Variants in CCDC80 observed in about 807,000 individuals in gnomAD.
CCDC80 encodes coiled-coil domain-containing protein 80.
Under a neutral mutation model 78.7 loss-of-function variants are expected in CCDC80, and 49 were observed. That is an observed-to-expected ratio of 0.62 (90% CI 0.50 to 0.79). The LOEUF is 0.79. CCDC80 is among the 30% of genes least tolerant of loss of function. The probability of loss-of-function intolerance (pLI) is 0.00; values close to 1 mark genes in which losing one functional copy is unlikely to be tolerated. For synonymous variants in CCDC80, 488 were observed against 447.0 expected, an observed-to-expected ratio of 1.09 and a Z score of -1.16; for missense variants, 1,205 against 1,198.6, an observed-to-expected ratio of 1.01 and a Z score of -0.08.
At chr3:112,622,526 G>T (rs1237692424) in intron 3 of CCDC80, among the ~76,000 whole-genome samples, 1 of 152,146 alleles carries the variant, frequency 6.6e-6, no homozygotes, top group African/African-American at 2.4e-5. Flanking sequence ...CAGTGTTGAG[G>T]TTCTCTTTAG....
At chr3:112,621,453 T>A (rs1383899368) in intron 3 of CCDC80, among the ~76,000 whole-genome samples, 10 of 152,126 alleles carry the variant, frequency 6.6e-5, no homozygotes, top group Admixed American at 6.5e-4. Context: ...TGTAGCTGAC[T>A]GCAGATGCAT....
intron 6 of CCDC80, among the ~76,000 whole-genome samples, chr3:112,608,535 G>A (rs1935558748): frequency 6.6e-6 from 1 of 152,148 alleles, no homozygotes; most frequent in Admixed American, 6.5e-5. Context: ...ATGTGACATA[G>A]GATCTGTGTG....
In CCDC80 at chr3:112,605,208, GA is replaced by G; in HGVS notation, c.*208del. On this transcript the variant is annotated 3_prime_UTR_variant, in exon 8 of 8. Transcript: ENST00000206423. ...TTTAGCACTAGAGCCCCTCCAGTTAGAAAAACAATTCTTTTAAATGTCTTTA... is the reference window on the plus strand; with the variant it reads ...TTTAGCACTAGAGCCCCTCCAGTTAGAAAACAATTCTTTTAAATGTCTTTA... 1 of 455,898 alleles carries G rather than the reference GA, an allele frequency of 2.2e-6. No homozygotes were observed. Among genetic ancestry groups the G allele is most frequent in the Admixed American group, 3.9e-5 (1 of 25,426 alleles). 28.2% of individuals were successfully genotyped at this position (455,898 alleles called of 1,614,324 possible). A position where few individuals can be genotyped will look rare whatever the true frequency, so the allele number is the denominator to read the frequency against.
intron 3 of CCDC80, among the ~76,000 whole-genome samples, chr3:112,621,481 C>A (rs1276635664): frequency 3.3e-5 from 5 of 152,212 alleles, no homozygotes; most frequent in African/African-American, 1.2e-4. Flanking sequence ...CCTAACCAAG[C>A]CCAGCCCAGA....
rs1322790149 is a variant in CCDC80 at position 112,598,628 on chromosome 3, AT to A, written c.*6788del. ...TTCTTTCTGGAAGGAAAGCACTGAC[AT>A]TTAAGCTCTGTGCGGTCTGCTCAGG... On this transcript the variant is annotated 3_prime_UTR_variant, in exon 8 of 8. Transcript: ENST00000206423. 1 of 152,228 alleles carries A rather than the reference AT, an allele frequency of 6.6e-6. No individual in the cohort carries two copies. The highest frequency in any genetic ancestry group is 1.5e-5 in the Non-Finnish European group (1 of 68,060). 9.4% of individuals were successfully genotyped at this position (152,228 alleles called of 1,614,324 possible). A position where few individuals can be genotyped will look rare whatever the true frequency, so the allele number is the denominator to read the frequency against.
chr3:112,615,750 G>A (rs1466872743), intron 5 of CCDC80, among the ~76,000 whole-genome samples: 5 of 152,060 alleles, frequency 3.3e-5, no homozygotes, highest in Admixed American at 1.3e-4. Flanking sequence ...TCAAAATGGC[G>A]ATGAGAGTGA....
rs1935453583 is a variant in CCDC80 at position 112,605,109 on chromosome 3, T to TTA, written c.*306_*307dup. The TTA allele has an allele frequency of 9.2e-6, 2 of 218,484 alleles. 1 individual carries two copies. The highest frequency in any genetic ancestry group is 3.4e-4 in the South Asian group (2 of 5,824). The allele number at this position is 218,484 out of a possible 1,614,324, so 13.5% of individuals were successfully genotyped here. ...TAAGAAAAAGCTTTAAATACATATT[T>TTA]TATAAAATTTTATATGCCAAATAAG... On this transcript the variant is annotated 3_prime_UTR_variant, in exon 8 of 8. Coordinates refer to ENST00000206423, the MANE Select transcript of CCDC80 (RefSeq NM_199511.3).
rs1008021627 is a variant in CCDC80 at position 112,599,647 on chromosome 3, C to T, written c.*5770G>A. ...ATTAAGAAGGGCCCACTGAGGCCAT[C>T]ATTCACCCTACTCTCGGGCTGCTTC... On this transcript the variant is annotated 3_prime_UTR_variant, in exon 8 of 8. Transcript: ENST00000206423. The T allele has an allele frequency of 2.6e-5, 4 of 152,290 alleles. No individual in the cohort carries two copies. The highest frequency in any genetic ancestry group is 4.4e-5 in the Non-Finnish European group (3 of 68,080). The allele number at this position is 152,290 out of a possible 1,614,324, so 9.4% of individuals were successfully genotyped here. A position where few individuals can be genotyped will look rare whatever the true frequency, so the allele number is the denominator to read the frequency against.
Position 112,601,769 on chromosome 3 carries a change from T to C in CCDC80, c.*3648A>G, listed in dbSNP as rs1284397372. On this transcript the variant is annotated 3_prime_UTR_variant, in exon 8 of 8. Coordinates refer to ENST00000206423, the MANE Select transcript of CCDC80 (RefSeq NM_199511.3). Reference sequence around the variant, plus strand: ...AGTTTACTTTGATATGCCATATGATTGAAACAAATGCTCTTTTTTCAAAGA... The same window carrying C: ...AGTTTACTTTGATATGCCATATGATCGAAACAAATGCTCTTTTTTCAAAGA... 1 of 152,088 alleles carries C rather than the reference T, an allele frequency of 6.6e-6. No homozygotes were observed. Among genetic ancestry groups the C allele is most frequent in the Admixed American group, 6.5e-5 (1 of 15,274 alleles). 9.4% of individuals were successfully genotyped at this position (152,088 alleles called of 1,614,324 possible).
chr3:112,608,071 A>G (rs1318973778), intron 6 of CCDC80, among the ~76,000 whole-genome samples: 1 of 152,242 alleles, frequency 6.6e-6, no homozygotes, highest in Non-Finnish European at 1.5e-5. Flanking sequence ...GTTTCAGGAC[A>G]GGAGGGAAGG....
Position 112,597,676 on chromosome 3 carries a change from T to C in CCDC80, c.*7741A>G, listed in dbSNP as rs1386843090. On this transcript the variant is annotated 3_prime_UTR_variant, in exon 8 of 8. Coordinates refer to ENST00000206423, the MANE Select transcript of CCDC80 (RefSeq NM_199511.3). Reference sequence around the variant, plus strand: ...GTGAGTATCCAGAAGCCATTGACCATGTTAATGGTGGAGCCAATATGAAGT... The same window carrying C: ...GTGAGTATCCAGAAGCCATTGACCACGTTAATGGTGGAGCCAATATGAAGT... The C allele has an allele frequency of 6.6e-6, 1 of 152,174 alleles. No individual in the cohort carries two copies. The highest frequency in any genetic ancestry group is 1.5e-5 in the Non-Finnish European group (1 of 68,022). 9.4% of individuals were successfully genotyped at this position (152,174 alleles called of 1,614,324 possible). A position where few individuals can be genotyped will look rare whatever the true frequency, so the allele number is the denominator to read the frequency against.
At chr3:112,610,761 G>A (rs892020269) in intron 5 of CCDC80, among the ~76,000 whole-genome samples, 10 of 152,076 alleles carry the variant, frequency 6.6e-5, no homozygotes, top group African/African-American at 2.4e-4. Context: ...AGAACCATAA[G>A]ATTTTAGAAT....
chr3:112,605,841 T>C (rs1381302319), intron 7 of CCDC80, 78 bp from the exon 8 acceptor site: 7 of 1,220,440 alleles, frequency 5.7e-6, no homozygotes, highest in Admixed American at 2.3e-5. Context: ...GTGAGGAAAT[T>C]ACTGTGAGAA....
Position 112,630,223 on chromosome 3 carries a change from C to T in CCDC80, c.1925G>A (p.Arg642His), listed in dbSNP as rs756303359. 55 of 1,613,730 alleles carry T rather than the reference C, an allele frequency of 3.4e-5. No individual in the cohort carries two copies. Among genetic ancestry groups the T allele is most frequent in the Non-Finnish European group, 4.3e-5 (51 of 1,179,804 alleles). ...GCAGAAACTTTCCAGATATTCATCA[C>T]GTTGTTGCACATACATATTGTTCTC... ...KAENNMYVQQ[R>H]DEYLESFCKM... The change falls in exon 3 of 8, where the codon CGT becomes CAT. Residue 642 changes from arginine to histidine, a missense_variant. Coordinates refer to ENST00000206423, the MANE Select transcript of CCDC80 (RefSeq NM_199511.3).
At chr3:112,635,440 G>A (rs1334156174) in intron 2 of CCDC80, among the ~76,000 whole-genome samples, 1 of 152,210 alleles carries the variant, frequency 6.6e-6, no homozygotes, top group African/African-American at 2.4e-5. Flanking sequence ...TGAGCTTCCT[G>A]AGTAACATTA....
chr3:112,638,834 C>T lies in CCDC80; in HGVS notation c.1072G>A (p.Ala358Thr). ...GACGTGGACCGAGTCACTGTTGTGG[C>T]TGGGGCAGGAGGAAGGGTGGTGGCT... Reference protein sequence around the residue: ...PRATTLPPAPATTVTRSTSRA... With the variant: ...PRATTLPPAPTTTVTRSTSRA... The change falls in exon 2 of 8, where the codon GCC (alanine) becomes ACC (threonine). Residue 358 changes from alanine (A) to threonine (T), a missense_variant. Coordinates refer to ENST00000206423, the MANE Select transcript of CCDC80 (RefSeq NM_199511.3). The T allele has an allele frequency of 5.0e-6, 8 of 1,613,736 alleles. No individual in the cohort carries two copies. The highest frequency in any genetic ancestry group is 6.8e-6 in the Non-Finnish European group (8 of 1,180,006).
At chr3:112,613,553 G>A (rs1295348266) in intron 5 of CCDC80, among the ~76,000 whole-genome samples, 3 of 152,090 alleles carry the variant, frequency 2.0e-5, no homozygotes, top group Admixed American at 2.0e-4. Context: ...AAGCTTTTGT[G>A]AATGAAGAAA....
intron 5 of CCDC80, among the ~76,000 whole-genome samples, chr3:112,612,202 A>G (rs1454862393): frequency 6.6e-6 from 1 of 152,102 alleles, no homozygotes; most frequent in African/African-American, 2.4e-5. Flanking sequence ...TCACAAACAC[A>G]ACAGTCTCAG....
intron 5 of CCDC80, among the ~76,000 whole-genome samples, chr3:112,612,111 G>A (rs982327376): frequency 6.8e-6 from 1 of 147,628 alleles, no homozygotes; most frequent in Non-Finnish European, 1.5e-5. Flanking sequence ...GGAGCTGAAT[G>A]TGTCTGGCAC....
Sources: allele counts gnomAD v4.1 joint callset (sites outside exome capture counted in the v4.1 genomes callset), GRCh38; gene constraint gnomAD v4.1.1; transcripts MANE v1.5; gene names NCBI Gene and HGNC (gene_info 2026-07-23, HGNC 2026-07-21).